ADAMTS2: variants seen among roughly 807,000 people sequenced by gnomAD.
The protein encoded by ADAMTS2 is ADAM metallopeptidase with thrombospondin type 1 motif 2.
A neutral mutation model predicts 123.0 loss-of-function variants in ADAMTS2; 50 were observed. The observed-to-expected ratio is 0.41, with a 90% CI of 0.32 to 0.51. The LOEUF (loss-of-function observed/expected upper bound fraction) is 0.51. ADAMTS2 is among the 20% of genes least tolerant of loss of function. The pLI is 0.35. For synonymous variants in ADAMTS2, 678 were observed against 695.4 expected (o/e 0.98, Z 0.39); for missense variants, 1,494 against 1,705.2 (o/e 0.88, Z 2.18).
At position 179,166,627 on chromosome 5, in the gene ADAMTS2, C is replaced by T. The variant is rs1024569726; in HGVS notation, c.976-7748G>A. Among the ~76,000 whole-genome samples, 2 of 152,196 alleles carry T rather than the reference C, an allele frequency of 1.3e-5. 1 individual carries two copies. Among genetic ancestry groups the T allele is most frequent in the South Asian group, 4.1e-4 (2 of 4,832 alleles). ...AGTAGGCTGCGTCCAGCTCCAAGTC[C>T]CAGCCCCATCCTGGCCGCGGGACCC... On this transcript the variant is annotated intron_variant, in intron 5 of 21. Transcript: ENST00000251582.
At chr5:179,206,870 C>T (rs142854608) in intron 4 of ADAMTS2, among the ~76,000 whole-genome samples, 32 of 152,248 alleles carry the variant, frequency 2.1e-4, no homozygotes, top group Non-Finnish European at 4.1e-4. Context: ...AGACCATGGG[C>T]AGGTGCCCAG....
chr5:179,254,546 C>T (rs947637138), intron 3 of ADAMTS2, among the ~76,000 whole-genome samples: 1 of 152,164 alleles, frequency 6.6e-6, no homozygotes, highest in South Asian at 2.1e-4. Flanking sequence ...TTTAAAAGGT[C>T]AGAGGAAGCA....
At chr5:179,309,158 C>G (rs903221862) in intron 2 of ADAMTS2, among the ~76,000 whole-genome samples, 3 of 152,224 alleles carry the variant, frequency 2.0e-5, no homozygotes, top group Non-Finnish European at 4.4e-5. Flanking sequence ...TCTGTGTTCC[C>G]CGGGTAGAGG....
intron 3 of ADAMTS2, among the ~76,000 whole-genome samples, chr5:179,208,718 A>C (rs1294897396): frequency 6.6e-6 from 1 of 151,926 alleles, no homozygotes; most frequent in East Asian, 1.9e-4. Context: ...GCCCCAGACC[A>C]CACTGCCCAC....
At chr5:179,300,594 C>G (rs2112474) in intron 2 of ADAMTS2, among the ~76,000 whole-genome samples, 42,736 of 151,982 alleles carry the variant, frequency 0.28, 6,552 homozygotes, top group Admixed American at 0.38. Context: ...TGCCTGAGGA[C>G]AAGCCAGACC....
intron 2 of ADAMTS2, among the ~76,000 whole-genome samples, chr5:179,310,930 C>T (rs529434709): frequency 6.6e-6 from 1 of 152,188 alleles, no homozygotes; most frequent in African/African-American, 2.4e-5. Flanking sequence ...TGCCCAACCC[C>T]ACCTGCCCCT....
chr5:179,155,472 G>A lies in ADAMTS2; in HGVS notation c.1133-553C>T, dbSNP rs1351370518. 6.6e-6 allele frequency among the ~76,000 whole-genome samples: 1 copy of A among 152,180 alleles called. No individual in the cohort carries two copies. The highest frequency in any genetic ancestry group is 1.5e-5 in the Non-Finnish European group (1 of 68,022). ...TGTTTCCATAATGCCGCAGAAGGCT[G>A]CAAAGCTGTTCAGCCGATGGGCCAC... On this transcript the variant is annotated intron_variant, in intron 6 of 21. Coordinates refer to ENST00000251582, the MANE Select transcript of ADAMTS2 (RefSeq NM_014244.5). The surrounding 1 kb of genome is among the most constrained non-coding windows in gnomAD (Gnocchi z 5.1).
chr5:179,167,244 G>C (rs1484658087), intron 5 of ADAMTS2, among the ~76,000 whole-genome samples: 5 of 152,000 alleles, frequency 3.3e-5, no homozygotes, highest in Non-Finnish European at 7.4e-5. Context: ...CCCCGCGCGG[G>C]GCGGGCAGAG....
chr5:179,211,972 C>T (rs201072738), intron 3 of ADAMTS2, among the ~76,000 whole-genome samples: 1 of 152,210 alleles, frequency 6.6e-6, no homozygotes, highest in Non-Finnish European at 1.5e-5. Flanking sequence ...ATGACTCGGA[C>T]AAGCCACACC....
In ADAMTS2 at chr5:179,158,020, A is replaced by G. The variant is rs1763514746; in HGVS notation, c.1132+703T>C. Among the ~76,000 whole-genome samples, 1 of 151,860 alleles carries G rather than the reference A, an allele frequency of 6.6e-6. No homozygotes were observed. The highest frequency in any genetic ancestry group is 1.5e-5 in the Non-Finnish European group (1 of 67,984). On this transcript the variant is annotated intron_variant, in intron 6 of 21. Transcript: ENST00000251582. The surrounding 1 kb of genome is among the most constrained non-coding windows in gnomAD (Gnocchi z 5.0). The stretch of plus-strand genomic sequence containing the variant: ...CGCACTGTCTCCCAGGCTGGAGCAA[A>G]GTGGTGCGATCTCGACTCATTGCAA...
In ADAMTS2 at chr5:179,186,569, G is replaced by A. The variant is rs182029003; in HGVS notation, c.892-5414C>T. On this transcript the variant is annotated intron_variant, in intron 4 of 21. Transcript: ENST00000251582. ...AATTTCCTGCCCAGCCCTGGCCAGA[G>A]GCCTGCAGGGCCCACCTGGGCATGG... 1.3e-3 allele frequency among the ~76,000 whole-genome samples: 204 copies of A among 152,306 alleles called. 3 individuals are homozygous for A. Among genetic ancestry groups the A allele is most frequent in the Admixed American group, 2.0e-3 (30 of 15,314 alleles).
chr5:179,232,690 C>T (rs456909), intron 3 of ADAMTS2, among the ~76,000 whole-genome samples: 85,580 of 152,008 alleles, frequency 0.56, 24,265 homozygotes, highest in South Asian at 0.69. Flanking sequence ...CGCGTGTCTG[C>T]ATCAGGATGA....
At position 179,312,378 on chromosome 5, in the gene ADAMTS2, G is replaced by A. The variant is rs1477734547; in HGVS notation, c.534+31389C>T. 2.6e-5 allele frequency among the ~76,000 whole-genome samples: 4 copies of A among 152,152 alleles called. No individual in the cohort carries two copies. The highest frequency in any genetic ancestry group is 2.1e-4 in the South Asian group (1 of 4,826). On this transcript the variant is annotated intron_variant, in intron 2 of 21. Transcript: ENST00000251582. The surrounding 1 kb of genome is among the most constrained non-coding windows in gnomAD (Gnocchi z 4.2). ...GTCACCAGATTCCATCCACACGAAT[G>A]GGATTTGTGCCCCGATCAGAGGGAC...
intron 4 of ADAMTS2, among the ~76,000 whole-genome samples, chr5:179,191,152 C>T (rs898823054): frequency 2.6e-5 from 4 of 152,234 alleles, no homozygotes; most frequent in East Asian, 1.9e-4. Flanking sequence ...AGCCCAGTGT[C>T]CCCCAGGGGC....
At position 179,132,670 on chromosome 5, in the gene ADAMTS2, C is replaced by T. The variant is rs2113205905; in HGVS notation, c.2209+107G>A. On this transcript the variant is annotated intron_variant, in intron 14 of 21. Transcript: ENST00000251582. This position sits in a 1 kb window ranked among gnomAD's most constrained non-coding sequence, Gnocchi z 6.1. Reference sequence around the variant, plus strand: ...CACAGACCTCTCCCCCTCCCCAGAACAGTCATAAGCCCGGACAGCCCCAGG... The same window carrying T: ...CACAGACCTCTCCCCCTCCCCAGAATAGTCATAAGCCCGGACAGCCCCAGG... The T allele has an allele frequency of 6.9e-7, 1 of 1,449,716 alleles. No homozygotes were observed. Among genetic ancestry groups the T allele is most frequent in the Non-Finnish European group, 9.5e-7 (1 of 1,054,168 alleles). The allele number at this position is 1,449,716 out of a possible 1,614,324, so 89.8% of individuals were successfully genotyped here.
intron 3 of ADAMTS2, among the ~76,000 whole-genome samples, chr5:179,246,436 C>T (rs933117486): frequency 3.3e-5 from 5 of 152,056 alleles, no homozygotes; most frequent in African/African-American, 1.2e-4. Context: ...ATAGTTGGGG[C>T]AAGACGCACA....
chr5:179,217,865 GCC>G (rs1765035314), intron 3 of ADAMTS2, among the ~76,000 whole-genome samples: 5 of 55,400 alleles, frequency 9.0e-5, no homozygotes, highest in South Asian at 1.1e-3. Flanking sequence ...GTAGGGGATG[GCC>G]TGAGGGCAGA....
chr5:179,169,149 T>C lies in ADAMTS2; in HGVS notation c.976-10270A>G, dbSNP rs1581165963. Among the ~76,000 whole-genome samples, 3 of 152,302 alleles carry C rather than the reference T, an allele frequency of 2.0e-5. No homozygotes were observed. In the East Asian group the frequency reaches 5.8e-4, roughly 29 times the overall value. ...AATGTTATGGTATTAGGAAGTGTGG[T>C]CTTTGAGAGGTCATTAGGTCATGAG... On this transcript the variant is annotated intron_variant, in intron 5 of 21. Coordinates refer to ENST00000251582, the MANE Select transcript of ADAMTS2 (RefSeq NM_014244.5).
In ADAMTS2 at chr5:179,228,213, C is replaced by T. The variant is rs776024287; in HGVS notation, c.689-20498G>A. 6.6e-6 allele frequency among the ~76,000 whole-genome samples: 1 copy of T among 152,138 alleles called. No individual in the cohort carries two copies. Among genetic ancestry groups the T allele is most frequent in the Non-Finnish European group, 1.5e-5 (1 of 68,020 alleles). On this transcript the variant is annotated intron_variant, in intron 3 of 21. Coordinates refer to ENST00000251582, the MANE Select transcript of ADAMTS2 (RefSeq NM_014244.5). The surrounding 1 kb of genome is among the most constrained non-coding windows in gnomAD (Gnocchi z 5.2). The stretch of plus-strand genomic sequence containing the variant: ...CCAGGATGAATCAGCTGCAGAGCAC[C>T]GCAGTGGCGCACACAGATCAGTGTC...
Sources: allele counts gnomAD v4.1 joint callset (sites outside exome capture counted in the v4.1 genomes callset), GRCh38; gene constraint gnomAD v4.1.1; non-coding constraint Gnocchi (gnomAD v3.1); transcripts MANE v1.5; gene names NCBI Gene and HGNC (gene_info 2026-07-23, HGNC 2026-07-21).